The following OSBPL11 variants were observed in gnomAD, a reference collection of about 807,000 sequenced individuals.
The protein encoded by OSBPL11 is oxysterol-binding protein-related protein 11.
Under a neutral mutation model 84.4 loss-of-function variants are expected in OSBPL11, and 33 were observed. That is an observed-to-expected ratio of 0.39 (90% CI 0.30 to 0.52). OSBPL11 has a LOEUF of 0.52. OSBPL11 is among the 20% of genes least tolerant of loss of function. The pLI is 0.72. For synonymous variants in OSBPL11, 276 were observed against 310.2 expected (o/e 0.89, Z 1.16); for missense variants, 736 against 901.1 (o/e 0.82, Z 2.35).
intron 1 of OSBPL11, among the ~76,000 whole-genome samples, chr3:125,583,979 A>G (rs2107611311): frequency 6.6e-6 from 1 of 152,266 alleles, no homozygotes; most frequent in South Asian, 2.1e-4. Flanking sequence ...GAGGCCATAG[A>G]AAACCCAATG....
chr3:125,563,485 G>C lies in OSBPL11; in HGVS notation c.1014+213C>G, dbSNP rs576481388. ...TTTATCAAGCAAAAGTAAACTAAAA[G>C]TTAAAAGGGCATATAATTTAACCTG... On this transcript the variant is annotated intron_variant, in intron 7 of 12. Transcript: ENST00000296220. 2.6e-5 allele frequency among the ~76,000 whole-genome samples: 4 copies of C among 152,198 alleles called. No homozygotes were observed. The South Asian group carries it at 8.3e-4, about 32-fold the overall frequency.
At chr3:125,531,728 GT>G in intron 12 of OSBPL11, 132 bp downstream of exon 12, 1 of 842,946 alleles carries the variant, frequency 1.2e-6, no homozygotes, top group Non-Finnish European at 1.7e-6. Context: ...CTCAAAAACA[GT>G]TGGTATTTAT....
chr3:125,554,294 G>A (rs867585531), intron 8 of OSBPL11, among the ~76,000 whole-genome samples: 1 of 152,256 alleles, frequency 6.6e-6, no homozygotes, highest in Middle Eastern at 3.4e-3. Flanking sequence ...TAAACTAAAC[G>A]TTAGCTATTA....
chr3:125,569,146 T>G (rs4679409), intron 5 of OSBPL11, among the ~76,000 whole-genome samples: 10,298 of 151,992 alleles, frequency 0.068, 463 homozygotes, highest in Non-Finnish European at 0.098. Context: ...ACAGGGTTTT[T>G]CCATGAGGCC....
intron 10 of OSBPL11, among the ~76,000 whole-genome samples, chr3:125,539,714 G>C (rs1303210412): frequency 3.3e-5 from 5 of 152,120 alleles, no homozygotes; most frequent in Admixed American, 1.3e-4. Flanking sequence ...CTCCCAAAGT[G>C]CTGGGATTAC....
intron 5 of OSBPL11, among the ~76,000 whole-genome samples, chr3:125,573,949 C>T (rs2979374): frequency 0.57 from 84,903 of 149,596 alleles, 25,742 homozygotes; most frequent in African/African-American, 0.8. Context: ...AACTTACCCA[C>T]AGATTTGATT....
chr3:125,538,083 G>A (rs985780914), intron 11 of OSBPL11, among the ~76,000 whole-genome samples: 7 of 152,242 alleles, frequency 4.6e-5, no homozygotes, highest in South Asian at 4.2e-4. Context: ...AAGATGTTCC[G>A]ATATTTTTGC....
In OSBPL11 at chr3:125,530,174, T is replaced by C; in HGVS notation, c.*341A>G. ...TACAAAGAAATCAAAGTCACTGAGT[T>C]CTCATTGTTGTGTGTATCTGCTGCC... On this transcript the variant is annotated 3_prime_UTR_variant, in exon 13 of 13. Coordinates refer to ENST00000296220, the MANE Select transcript of OSBPL11 (RefSeq NM_022776.5). 4.1e-6 allele frequency: 1 copy of C among 242,034 alleles called. No homozygotes were observed. Among genetic ancestry groups the C allele is most frequent in the Non-Finnish European group, 8.2e-6 (1 of 122,146 alleles). 15.0% of individuals were successfully genotyped at this position (242,034 alleles called of 1,614,324 possible).
At position 125,529,404 on chromosome 3, in the gene OSBPL11, T is replaced by C. The variant is rs753041616; in HGVS notation, c.*1111A>G. 2.0e-5 allele frequency: 3 copies of C among 151,920 alleles called. No individual in the cohort carries two copies. The highest frequency in any genetic ancestry group is 2.9e-5 in the Non-Finnish European group (2 of 68,002). 9.4% of individuals were successfully genotyped at this position (151,920 alleles called of 1,614,324 possible). A position where few individuals can be genotyped will look rare whatever the true frequency, so the allele number is the denominator to read the frequency against. ...ATACAACTTCCTGATCTTTTTTTCC[T>C]GATACCTTTTCATTTCGTTGTTTCT... On this transcript the variant is annotated 3_prime_UTR_variant, in exon 13 of 13. Transcript: ENST00000296220.
rs994187792 is a variant in OSBPL11 at position 125,567,834 on chromosome 3, A to C, written c.667-239T>G. Among the ~76,000 whole-genome samples, 155 of 151,774 alleles carry C rather than the reference A, an allele frequency of 1.0e-3. 2 individuals carry two copies. The highest frequency in any genetic ancestry group is 9.5e-3 in the Admixed American group (144 of 15,236). Reference sequence around the variant, plus strand: ...ATAGCAAGACCCCAACTCTACATAAAATTTTAAAAATTAGTCAGGCCTGGT... The same window carrying C: ...ATAGCAAGACCCCAACTCTACATAACATTTTAAAAATTAGTCAGGCCTGGT... On this transcript the variant is annotated intron_variant, in intron 5 of 12. Coordinates refer to ENST00000296220, the MANE Select transcript of OSBPL11 (RefSeq NM_022776.5).
At chr3:125,541,857 A>T (rs1935733059) in intron 10 of OSBPL11, among the ~76,000 whole-genome samples, 3 of 152,180 alleles carry the variant, frequency 2.0e-5, no homozygotes, top group African/African-American at 7.2e-5. Context: ...TGCTGGGATT[A>T]GAGGTGTGAG....
chr3:125,552,135 G>T, intron 9 of OSBPL11, 46 bp downstream of exon 9: 1 of 967,386 alleles, frequency 1.0e-6, no homozygotes, highest in East Asian at 3.2e-5. Context: ...ATATATATGT[G>T]TGTGTGTATA....
intron 10 of OSBPL11, among the ~76,000 whole-genome samples, chr3:125,539,651 T>C (rs976265829): frequency 1.3e-5 from 2 of 152,038 alleles, no homozygotes; most frequent in African/African-American, 4.8e-5. Flanking sequence ...GGTTTTGCCA[T>C]GTTGGCCAGG....
At chr3:125,586,419 T>C (rs1936511684) in intron 1 of OSBPL11, among the ~76,000 whole-genome samples, 1 of 152,244 alleles carries the variant, frequency 6.6e-6, no homozygotes, top group Non-Finnish European at 1.5e-5. Context: ...TAAGTGGCTT[T>C]ATTATATTGT....
At chr3:125,590,724 TCAGA>T (rs1039666708) in intron 1 of OSBPL11, among the ~76,000 whole-genome samples, 10 of 152,154 alleles carry the variant, frequency 6.6e-5, no homozygotes, top group African/African-American at 2.4e-4. Context: ...AAAGAGTGCT[TCAGA>T]CATAGTAGAG....
intron 10 of OSBPL11, among the ~76,000 whole-genome samples, chr3:125,543,128 T>TA (rs1000492834): frequency 1.3e-4 from 8 of 62,370 alleles, no homozygotes; most frequent in African/African-American, 8.6e-4. Flanking sequence ...AGTAAGATTT[T>TA]TTTTTTTTTT....
chr3:125,547,299 A>C lies in OSBPL11; in HGVS notation c.1841+107T>G, dbSNP rs9853390. The stretch of plus-strand genomic sequence containing the variant: ...ATATTTTAAATAAGAAATAAACATT[A>C]ATACAAATCCAACTTCACATAGAAC... On this transcript the variant is annotated intron_variant, in intron 10 of 12. Coordinates refer to ENST00000296220, the MANE Select transcript of OSBPL11 (RefSeq NM_022776.5). 5.2e-3 allele frequency: 4,702 copies of C among 897,650 alleles called. 138 individuals are homozygous for C. In the African/African-American group the frequency reaches 0.067, roughly 13 times the overall value. The allele number at this position is 897,650 out of a possible 1,614,324, so 55.6% of individuals were successfully genotyped here.
At chr3:125,573,540 A>T (rs1289117024) in intron 5 of OSBPL11, among the ~76,000 whole-genome samples, 1 of 152,204 alleles carries the variant, frequency 6.6e-6, no homozygotes, top group African/African-American at 2.4e-5. Context: ...ATTCATTTTC[A>T]AGGACAGTAT....
At chr3:125,594,119 G>C (rs1936644439) in intron 1 of OSBPL11, among the ~76,000 whole-genome samples, 1 of 152,166 alleles carries the variant, frequency 6.6e-6, no homozygotes, top group Non-Finnish European at 1.5e-5. Context: ...AGAGGCATTA[G>C]GATCTCTACC....
Sources: allele counts gnomAD v4.1 joint callset (sites outside exome capture counted in the v4.1 genomes callset), GRCh38; gene constraint gnomAD v4.1.1; transcripts MANE v1.5; gene names NCBI Gene and HGNC (gene_info 2026-07-23, HGNC 2026-07-21).